Variants in ROBO2 observed in about 807,000 individuals in gnomAD.
ROBO2 encodes the protein roundabout guidance receptor 2, also known as roundabout homolog 2.
Under a neutral mutation model 160.8 loss-of-function variants are expected in ROBO2, and 53 were observed. That is an observed-to-expected ratio of 0.33 (90% CI 0.26 to 0.41). The LOEUF (loss-of-function observed/expected upper bound fraction) is 0.41. Among genes scored for constraint, ROBO2 ranks in the 10% least tolerant of loss-of-function variants. ROBO2 has a pLI of 1.00. For missense variants in ROBO2, 1,577 were observed against 1,722.4 expected, an observed-to-expected ratio of 0.92 and a Z score of 1.49; for synonymous variants, 664 against 611.7, an observed-to-expected ratio of 1.09 and a Z score of -1.26.
intron 7 of ROBO2, among the ~76,000 whole-genome samples, chr3:77,548,926 G>T (rs887122718): frequency 6.6e-6 from 1 of 151,764 alleles, no homozygotes; most frequent in Non-Finnish European, 1.5e-5. Flanking sequence ...AAAATAAGTC[G>T]GTCTTACTAT....
At chr3:76,443,380 T>C (rs1037956447) in intron 2 of ROBO2, among the ~76,000 whole-genome samples, 12 of 152,170 alleles carry the variant, frequency 7.9e-5, no homozygotes, top group African/African-American at 2.9e-4. Flanking sequence ...TTTGGTACCA[T>C]CCATGGTCTC....
At chr3:77,425,334 G>A (rs936962429) in intron 2 of ROBO2, among the ~76,000 whole-genome samples, 3 of 152,118 alleles carry the variant, frequency 2.0e-5, no homozygotes, top group Non-Finnish European at 4.4e-5. Flanking sequence ...CAGATGATGT[G>A]GTAAAAAGCA....
intron 2 of ROBO2, among the ~76,000 whole-genome samples, chr3:76,610,200 T>C (rs2087984902): frequency 6.6e-6 from 1 of 152,248 alleles, no homozygotes; most frequent in Non-Finnish European, 1.5e-5. Flanking sequence ...GGTATCAAGA[T>C]AATACTAGCC....
intron 2 of ROBO2, among the ~76,000 whole-genome samples, chr3:77,440,667 G>A (rs979250398): frequency 1.3e-4 from 20 of 152,224 alleles, no homozygotes; most frequent in African/African-American, 4.6e-4. Context: ...AAAATGTTTT[G>A]AAATTATTCT....
chr3:77,406,315 G>T (rs2076251556), intron 2 of ROBO2, among the ~76,000 whole-genome samples: 1 of 152,162 alleles, frequency 6.6e-6, no homozygotes, highest in Non-Finnish European at 1.5e-5. Context: ...AATTCGAGAT[G>T]AGATTTGGGT....
chr3:76,077,616 A>G (rs2068685225), intron 2 of ROBO2, among the ~76,000 whole-genome samples: 1 of 152,148 alleles, frequency 6.6e-6, no homozygotes, highest in Admixed American at 6.5e-5. Flanking sequence ...TTTTCAATAT[A>G]AAGATTCTTC....
At position 77,335,041 on chromosome 3, in the gene ROBO2, T is replaced by C. The variant is rs1347321539; in HGVS notation, c.389-142373T>C. Among the ~76,000 whole-genome samples the C allele has an allele frequency of 2.0e-5, 3 of 152,146 alleles. No homozygotes were observed. The East Asian group carries it at 5.8e-4, about 29-fold the overall frequency. ...GGTAATTTAGTGTTCTCTTCAAAGG[T>C]TGTTTAAGTACACACATTATTAATA... On this transcript the variant is annotated intron_variant, in intron 2 of 25. Coordinates refer to ENST00000461745, the Ensembl canonical transcript of ROBO2.
intron 2 of ROBO2, among the ~76,000 whole-genome samples, chr3:76,127,859 T>A (rs190000119): frequency 2.7e-4 from 41 of 150,482 alleles, no homozygotes; most frequent in Admixed American, 4.0e-4. Context: ...GGTAAAATAA[T>A]CACTTCAAAG....
chr3:76,169,082 A>G (rs2072939794), intron 2 of ROBO2, among the ~76,000 whole-genome samples: 1 of 152,132 alleles, frequency 6.6e-6, no homozygotes, highest in South Asian at 2.1e-4. Flanking sequence ...GTGATCGACT[A>G]TATGATGTAT....
intron 2 of ROBO2, among the ~76,000 whole-genome samples, chr3:76,563,277 A>G (rs1218924965): frequency 6.6e-6 from 1 of 152,164 alleles, no homozygotes; most frequent in African/African-American, 2.4e-5. Flanking sequence ...TTTCTTAAGT[A>G]ATCTGTTTTA....
intron 2 of ROBO2, among the ~76,000 whole-genome samples, chr3:76,821,753 A>G (rs970263141): frequency 6.6e-6 from 1 of 152,044 alleles, no homozygotes; most frequent in African/African-American, 2.4e-5. Context: ...TGGCATCTGC[A>G]GGCAGAGGGG....
chr3:76,337,831 A>T (rs557724901), intron 2 of ROBO2, among the ~76,000 whole-genome samples: 98 of 152,334 alleles, frequency 6.4e-4, no homozygotes, highest in African/African-American at 2.2e-3. Flanking sequence ...GTCATTATGT[A>T]TAATTCTATT....
intron 2 of ROBO2, among the ~76,000 whole-genome samples, chr3:77,320,842 T>A (rs966412223): frequency 6.6e-6 from 1 of 152,188 alleles, no homozygotes; most frequent in Non-Finnish European, 1.5e-5. Context: ...ATATGTGTAA[T>A]GTACATATCA....
intron 2 of ROBO2, among the ~76,000 whole-genome samples, chr3:76,160,123 C>T (rs1275897894): frequency 6.6e-6 from 1 of 152,106 alleles, no homozygotes; most frequent in Non-Finnish European, 1.5e-5. Flanking sequence ...AGAAAGTCAA[C>T]AAGCAAAATG....
intron 1 of ROBO2, among the ~76,000 whole-genome samples, chr3:77,058,488 G>T (rs781201993): frequency 6.6e-6 from 1 of 152,058 alleles, no homozygotes; most frequent in Non-Finnish European, 1.5e-5. Flanking sequence ...TTGAAAAAAT[G>T]AACCTATGAA....
At chr3:76,436,176 A>ACACACACACACACACACACACC (rs1034830235) in intron 2 of ROBO2, among the ~76,000 whole-genome samples, 48 of 150,766 alleles carry the variant, frequency 3.2e-4, no homozygotes, top group African/African-American at 1.2e-3. Flanking sequence ...ACACACACAC[A>ACACACACACACACACACACACC]CACACCATTT....
chr3:76,011,801 TC>T (rs2066202113), intron 2 of ROBO2, among the ~76,000 whole-genome samples: 1 of 152,214 alleles, frequency 6.6e-6, no homozygotes, highest in Non-Finnish European at 1.5e-5. Flanking sequence ...TTTCCAGTCA[TC>T]TGTCTTTCAG....
chr3:76,951,287 A>G (rs1269366236), intron 2 of ROBO2, among the ~76,000 whole-genome samples: 1 of 152,124 alleles, frequency 6.6e-6, no homozygotes, highest in Non-Finnish European at 1.5e-5. Flanking sequence ...ACACATTTGT[A>G]CTCTCTTTTC....
chr3:76,376,861 C>A (rs2076371406), intron 2 of ROBO2, among the ~76,000 whole-genome samples: 1 of 152,064 alleles, frequency 6.6e-6, no homozygotes, highest in Non-Finnish European at 1.5e-5. Flanking sequence ...GGCCAGTGGA[C>A]CCCTGGCTTT....
Sources: gnomAD v4.1 joint callset for allele counts (sites outside exome capture counted in the v4.1 genomes callset) on GRCh38, gnomAD v4.1.1 for gene constraint, MANE v1.5 for transcripts, NCBI Gene and HGNC (gene_info 2026-07-23, HGNC 2026-07-21) for gene names.